The following PARD3 variants were observed in gnomAD, a reference collection of about 807,000 sequenced individuals.
PARD3 encodes partitioning defective 3 homolog.
PARD3 carries 75 observed loss-of-function variants against 155.4 expected under a neutral mutation model. The ratio of observed to expected loss-of-function variants is 0.48; its 90% CI spans 0.40 to 0.58. PARD3 has a LOEUF of 0.58. PARD3 is among the 20% of genes least tolerant of loss of function. The pLI, the probability that PARD3 is intolerant of heterozygous loss-of-function variation, is 0.00. For synonymous variants in PARD3, 576 were observed against 610.5 expected (o/e 0.94, Z 0.83); for missense variants, 1,642 against 1,721.7 (o/e 0.95, Z 0.82).
chr10:34,775,230 C>G (rs997681158), intron 1 of PARD3, among the ~76,000 whole-genome samples: 3 of 152,138 alleles, frequency 2.0e-5, no homozygotes, highest in Non-Finnish European at 4.4e-5. Context: ...CCAAAAGGAA[C>G]AAATCAGTCA....
At chr10:34,207,141 C>T (rs1213299126) in intron 22 of PARD3, among the ~76,000 whole-genome samples, 4 of 152,162 alleles carry the variant, frequency 2.6e-5, no homozygotes, top group African/African-American at 4.8e-5. Flanking sequence ...GAAAACAAGA[C>T]TTATCAAGCC....
chr10:34,528,482 G>A (rs546299543), intron 2 of PARD3, among the ~76,000 whole-genome samples: 2 of 152,154 alleles, frequency 1.3e-5, no homozygotes, highest in African/African-American at 2.4e-5. Context: ...CACCAGCTGC[G>A]TGGCCCTAGG....
chr10:34,409,726 G>T (rs1396960661), intron 5 of PARD3, among the ~76,000 whole-genome samples: 1 of 152,158 alleles, frequency 6.6e-6, no homozygotes, highest in Non-Finnish European at 1.5e-5. Context: ...CTTTTCAGAA[G>T]TGGCTTGCTT....
At chr10:34,557,454 C>A (rs1470775197) in intron 2 of PARD3, among the ~76,000 whole-genome samples, 1 of 151,972 alleles carries the variant, frequency 6.6e-6, no homozygotes, top group Non-Finnish European at 1.5e-5. Context: ...CTGGGCAACA[C>A]AGAGAGAGTC....
intron 22 of PARD3, among the ~76,000 whole-genome samples, chr10:34,251,725 A>G (rs192211120): frequency 6.6e-6 from 1 of 152,338 alleles, no homozygotes; most frequent in Non-Finnish European, 1.5e-5. Flanking sequence ...TACAATAAGC[A>G]AAAGGGACTT....
At chr10:34,558,963 G>A (rs74745482) in intron 2 of PARD3, among the ~76,000 whole-genome samples, 3,803 of 151,258 alleles carry the variant, frequency 0.025, 172 homozygotes, top group African/African-American at 0.088. Flanking sequence ...AAGTAAGTAA[G>A]TAAGTAAATA....
At chr10:34,493,957 T>C (rs1369824182) in intron 3 of PARD3, among the ~76,000 whole-genome samples, 1 of 152,176 alleles carries the variant, frequency 6.6e-6, no homozygotes, top group East Asian at 1.9e-4. Context: ...GTGACATCAA[T>C]TTGGTAGCCT....
intron 1 of PARD3, among the ~76,000 whole-genome samples, chr10:34,706,743 A>G (rs1159285580): frequency 2.0e-5 from 3 of 152,162 alleles, no homozygotes; most frequent in Non-Finnish European, 4.4e-5. Context: ...CTGGGGTAAC[A>G]AAGTGAAACC....
At chr10:34,619,592 C>G (rs1299692333) in intron 2 of PARD3, among the ~76,000 whole-genome samples, 1 of 152,090 alleles carries the variant, frequency 6.6e-6, no homozygotes, top group Non-Finnish European at 1.5e-5. Flanking sequence ...GATTGGAATA[C>G]TCCAGCATGG....
At chr10:34,339,658 A>G (rs956618342) in intron 16 of PARD3, among the ~76,000 whole-genome samples, 1 of 152,244 alleles carries the variant, frequency 6.6e-6, no homozygotes, top group African/African-American at 2.4e-5. Context: ...AGTATATTCT[A>G]TAAGTAAACA....
intron 14 of PARD3, among the ~76,000 whole-genome samples, chr10:34,352,574 T>C (rs1449438276): frequency 6.6e-6 from 1 of 152,232 alleles, no homozygotes; most frequent in African/African-American, 2.4e-5. Flanking sequence ...CTCCAGCTCC[T>C]GACCGCGAGT....
At chr10:34,368,878 C>T (rs1168524474) in intron 12 of PARD3, among the ~76,000 whole-genome samples, 1 of 149,374 alleles carries the variant, frequency 6.7e-6, no homozygotes, top group African/African-American at 2.5e-5. Context: ...AGATCTCTTC[C>T]CACTATCTTG....
intron 5 of PARD3, among the ~76,000 whole-genome samples, chr10:34,422,545 A>G (rs185232436): frequency 8.5e-5 from 13 of 152,224 alleles, no homozygotes; most frequent in Admixed American, 2.6e-4. Context: ...AGAGATTAAT[A>G]TCCAAAATAA....
rs1329237915 is a variant in PARD3 at position 34,278,549 on chromosome 10, C to T, written c.3176+5586G>A. Among the ~76,000 whole-genome samples the T allele has an allele frequency of 2.0e-5, 3 of 152,084 alleles. No homozygotes were observed. In the East Asian group the frequency reaches 5.8e-4, roughly 29 times the overall value. ...ATTGAATCATGGGGGCGGTTTCCCCCTCCTGTTCTTGTGATAGTGACTTAG... is the reference window on the plus strand; with the variant it reads ...ATTGAATCATGGGGGCGGTTTCCCCTTCCTGTTCTTGTGATAGTGACTTAG... On this transcript the variant is annotated intron_variant, in intron 21 of 24. Transcript: ENST00000374788.
At chr10:34,199,492 G>T (rs1951107459) in intron 22 of PARD3, among the ~76,000 whole-genome samples, 1 of 152,082 alleles carries the variant, frequency 6.6e-6, no homozygotes, top group Non-Finnish European at 1.5e-5. Flanking sequence ...GCAGAGCTCA[G>T]AGTTAACGAG....
At chr10:34,271,716 A>G (rs1230836776) in intron 21 of PARD3, among the ~76,000 whole-genome samples, 1 of 152,214 alleles carries the variant, frequency 6.6e-6, no homozygotes, top group East Asian at 1.9e-4. Flanking sequence ...AAAAGGAAAT[A>G]AAAGTACACA....
At chr10:34,281,635 G>A (rs554776217) in intron 21 of PARD3, among the ~76,000 whole-genome samples, 3 of 152,094 alleles carry the variant, frequency 2.0e-5, no homozygotes, top group South Asian at 2.1e-4. Context: ...TCTTGGACCC[G>A]GCTCAGAACA....
intron 2 of PARD3, among the ~76,000 whole-genome samples, chr10:34,553,695 G>A (rs186692261): frequency 3.9e-5 from 6 of 152,282 alleles, no homozygotes; most frequent in African/African-American, 1.4e-4. Flanking sequence ...TACATGAATC[G>A]AATGTTGGGG....
In PARD3 at chr10:34,120,004, A is replaced by ATTTTTTTTTTTT. The variant is rs1185067110; in HGVS notation, c.3541-276_3541-265dup. ...AGATCAAACTTTCTAGTCTTCTTTA[A>ATTTTTTTTTTTT]TTTTTTTTTTTTTTTTTTTTTTTTT... is the stretch of plus-strand genomic sequence containing the variant. On this transcript the variant is annotated intron_variant, in intron 23 of 24. Coordinates refer to ENST00000374788, the MANE Select transcript of PARD3 (RefSeq NM_001184785.2). Among the ~76,000 whole-genome samples the ATTTTTTTTTTTT allele has an allele frequency of 7.3e-4, 54 of 73,822 alleles. 8 individuals are homozygous for ATTTTTTTTTTTT. The highest frequency in any genetic ancestry group is 2.5e-3 in the African/African-American group (43 of 17,052). 48.4% of individuals were successfully genotyped at this position (73,822 alleles called of 152,430 possible).
Sources: gnomAD v4.1 joint callset for allele counts (sites outside exome capture counted in the v4.1 genomes callset) on GRCh38, gnomAD v4.1.1 for gene constraint, MANE v1.5 for transcripts, NCBI Gene and HGNC (gene_info 2026-07-23, HGNC 2026-07-21) for gene names.